The following HECW2 variants were observed in gnomAD, a reference collection of about 807,000 sequenced individuals.
HECW2 encodes the protein HECT, C2 and WW domain containing E3 ubiquitin protein ligase 2.
HECW2 carries 61 observed loss-of-function variants against 175.2 expected under a neutral mutation model. That is an observed-to-expected ratio of 0.35 (90% confidence interval 0.28 to 0.43). HECW2 has a LOEUF of 0.43. HECW2 is among the 20% of genes least tolerant of loss of function. HECW2 has a pLI of 1.00. For synonymous variants in HECW2, 671 were observed against 731.0 expected (o/e 0.92, Z 1.32); for missense variants, 1,524 against 2,000.5 (o/e 0.76, Z 4.54).
chr2:196,227,349 T>A (rs1687888301), intron 22 of HECW2, among the ~76,000 whole-genome samples: 1 of 152,170 alleles, frequency 6.6e-6, no homozygotes, highest in Non-Finnish European at 1.5e-5. Context: ...AGTGTATAAA[T>A]GCAGAGATTT....
chr2:196,283,066 C>T (rs537304125), intron 14 of HECW2, among the ~76,000 whole-genome samples: 16 of 151,812 alleles, frequency 1.1e-4, no homozygotes, highest in Non-Finnish European at 1.8e-4. Context: ...GGAGACCGTC[C>T]TGGCTAACAT....
chr2:196,549,364 A>C (rs888147001), intron 1 of HECW2, among the ~76,000 whole-genome samples: 2 of 152,176 alleles, frequency 1.3e-5, no homozygotes, highest in Non-Finnish European at 2.9e-5. Context: ...TCTTTCCTTC[A>C]TGGTTTTACC....
chr2:196,215,809 A>C (rs1393733203), intron 28 of HECW2, 56 bp downstream of exon 28: 1 of 1,246,846 alleles, frequency 8.0e-7, no homozygotes, highest in African/African-American at 1.5e-5. Flanking sequence ...TATATACATA[A>C]ATGAATGTCT....
chr2:196,261,732 T>C (rs1197789511), intron 17 of HECW2, among the ~76,000 whole-genome samples: 4 of 152,244 alleles, frequency 2.6e-5, no homozygotes, highest in African/African-American at 7.2e-5. Flanking sequence ...TTAATTTGTA[T>C]GTCTTTTGGT....
rs1180986460 is a variant in HECW2 at position 196,307,177 on chromosome 2, GCAT to G, written c.2639_2641del (p.Asn880_Ala881delinsThr). 1 of 1,613,942 alleles carries G rather than the reference GCAT, an allele frequency of 6.2e-7. No individual in the cohort carries two copies. Reference sequence around the variant, plus strand: ...AGCTTCCTCCCCTGCCCCATCAATAGCATTGGTATTTTCCTCAGGCCTCTCATT... The same window carrying G: ...AGCTTCCTCCCCTGCCCCATCAATAGTGGTATTTTCCTCAGGCCTCTCATT... On this transcript the variant is annotated inframe_deletion, in exon 12 of 29. Transcript: ENST00000644978.
At chr2:196,495,919 G>A (rs137859766) in intron 1 of HECW2, among the ~76,000 whole-genome samples, 90 of 152,234 alleles carry the variant, frequency 5.9e-4, no homozygotes, top group African/African-American at 2.0e-3. Context: ...ATAGACTGTA[G>A]AGGTTAAAAA....
At chr2:196,353,859 T>C (rs1693262019) in intron 2 of HECW2, among the ~76,000 whole-genome samples, 1 of 152,178 alleles carries the variant, frequency 6.6e-6, no homozygotes, top group African/African-American at 2.4e-5. Flanking sequence ...AGAGACAACC[T>C]GACTTAGGGT....
chr2:196,445,555 G>T (rs781048696), intron 1 of HECW2, among the ~76,000 whole-genome samples: 10 of 152,134 alleles, frequency 6.6e-5, no homozygotes, highest in Admixed American at 2.6e-4. Flanking sequence ...GTGCTAAAAA[G>T]TATAAAATAA....
At chr2:196,375,366 CAG>C (rs1163451735) in intron 2 of HECW2, among the ~76,000 whole-genome samples, 1 of 152,282 alleles carries the variant, frequency 6.6e-6, no homozygotes, top group Admixed American at 6.5e-5. Flanking sequence ...TGACTGGAAA[CAG>C]ACACAGACAG....
chr2:196,417,659 A>G (rs1345892449), intron 2 of HECW2, among the ~76,000 whole-genome samples: 1 of 152,252 alleles, frequency 6.6e-6, no homozygotes, highest in Non-Finnish European at 1.5e-5. Flanking sequence ...GTTACCTTAC[A>G]TATGCTGACC....
At chr2:196,399,609 A>C (rs567951259) in intron 2 of HECW2, among the ~76,000 whole-genome samples, 1 of 152,308 alleles carries the variant, frequency 6.6e-6, no homozygotes, top group African/African-American at 2.4e-5. Context: ...GAGTTATGAT[A>C]CCCATCTGAC....
chr2:196,341,496 T>C (rs1692750512), intron 3 of HECW2, among the ~76,000 whole-genome samples: 1 of 152,256 alleles, frequency 6.6e-6, no homozygotes, highest in Non-Finnish European at 1.5e-5. Flanking sequence ...TGGGGCAATG[T>C]TGGAAAGTTA....
intron 1 of HECW2, among the ~76,000 whole-genome samples, chr2:196,456,745 G>A (rs950163241): frequency 1.2e-4 from 19 of 152,220 alleles, no homozygotes; most frequent in South Asian, 4.1e-4. Context: ...AAGAAACTCC[G>A]GATTTACTTT....
intron 1 of HECW2, among the ~76,000 whole-genome samples, chr2:196,524,076 G>A (rs1224958160): frequency 1.4e-5 from 2 of 142,288 alleles, no homozygotes; most frequent in East Asian, 2.1e-4. Context: ...TGTACCTCTG[G>A]TAGAATTCGG....
At chr2:196,295,330 T>C (rs966262762) in intron 13 of HECW2, among the ~76,000 whole-genome samples, 4 of 152,196 alleles carry the variant, frequency 2.6e-5, no homozygotes, top group African/African-American at 7.2e-5. Flanking sequence ...CAGTTTTGGC[T>C]CTATTGGCTG....
At chr2:196,363,612 C>A (rs2105888735) in intron 2 of HECW2, among the ~76,000 whole-genome samples, 1 of 152,314 alleles carries the variant, frequency 6.6e-6, no homozygotes, top group South Asian at 2.1e-4. Context: ...AGGAGGGTCG[C>A]ATGAGGCCAG....
intron 7 of HECW2, 143 bp from the exon 8 acceptor site, chr2:196,320,582 T>A (rs1164730762): frequency 3.7e-6 from 2 of 539,022 alleles, no homozygotes; most frequent in East Asian, 5.6e-5. Context: ...AAGCCCATTA[T>A]AGTCCAATGT....
chr2:196,385,371 T>C (rs1304382370), intron 2 of HECW2, among the ~76,000 whole-genome samples: 1 of 152,196 alleles, frequency 6.6e-6, no homozygotes, highest in African/African-American at 2.4e-5. Flanking sequence ...CCACTGAACA[T>C]GGAGATATTA....
intron 1 of HECW2, among the ~76,000 whole-genome samples, chr2:196,576,472 C>T (rs984154064): frequency 6.6e-6 from 1 of 152,166 alleles, no homozygotes; most frequent in Non-Finnish European, 1.5e-5. Flanking sequence ...AAGACAAGTA[C>T]TGCATGATCT....
Sources: allele counts gnomAD v4.1 joint callset (sites outside exome capture counted in the v4.1 genomes callset), GRCh38; gene constraint gnomAD v4.1.1; transcripts MANE v1.5; gene names NCBI Gene and HGNC (gene_info 2026-07-23, HGNC 2026-07-21).